COL4A2: variants seen among roughly 807,000 people sequenced by gnomAD.
COL4A2 encodes collagen type IV alpha 2 chain.
COL4A2 carries 99 observed loss-of-function variants against 200.2 expected under a neutral mutation model. That is an observed-to-expected ratio of 0.49 (90% CI 0.42 to 0.58). The LOEUF (loss-of-function observed/expected upper bound fraction) is 0.58. Ranked by LOEUF, COL4A2 falls within the 20% of genes least tolerant of loss-of-function variation. The pLI, the probability that COL4A2 is intolerant of heterozygous loss-of-function variation, is 0.00. For missense variants in COL4A2, 1,950 were observed against 2,314.1 expected, an observed-to-expected ratio of 0.84 and a Z score of 3.23; for synonymous variants, 897 against 900.6, an observed-to-expected ratio of 1.00 and a Z score of 0.07.
At chr13:110,321,960 G>A (rs1228131537) in intron 3 of COL4A2, among the ~76,000 whole-genome samples, 1 of 152,224 alleles carries the variant, frequency 6.6e-6, no homozygotes, top group African/African-American at 2.4e-5. Flanking sequence ...TGAGATTTAG[G>A]TGGGGACACA....
rs1388084413 is a variant in COL4A2, at chr13:110,467,114, C to CCTGGAG, written c.2095+19_2095+24dup. On this transcript the variant is annotated intron_variant, in intron 27 of 47. Transcript: ENST00000360467. Reference sequence around the variant, plus strand: ...CCCCACAGGTAATGCACGGAGGGAACCTGGAGTGCACCCAGCCTTCCTCCC... The same window carrying CCTGGAG: ...CCCCACAGGTAATGCACGGAGGGAACCTGGAGCTGGAGTGCACCCAGCCTTCCTCCC... 2 of 1,613,798 alleles carry CCTGGAG rather than the reference C, an allele frequency of 1.2e-6. No homozygotes were observed. Among genetic ancestry groups the CCTGGAG allele is most frequent in the African/African-American group, 1.3e-5 (1 of 74,920 alleles).
At chr13:110,371,551 G>A (rs1254107337) in intron 4 of COL4A2, among the ~76,000 whole-genome samples, 2 of 152,144 alleles carry the variant, frequency 1.3e-5, no homozygotes, top group Non-Finnish European at 2.9e-5. Context: ...AACCCAGTGT[G>A]TGTTTTTTTA....
chr13:110,388,823 T>C (rs982229298), intron 4 of COL4A2, among the ~76,000 whole-genome samples: 3 of 152,122 alleles, frequency 2.0e-5, no homozygotes, highest in Non-Finnish European at 2.9e-5. Context: ...TTCCGGGACC[T>C]CCCCCTGCCT....
At chr13:110,464,076 CAT>C (rs1180433108) in intron 24 of COL4A2, among the ~76,000 whole-genome samples, 3 of 151,994 alleles carry the variant, frequency 2.0e-5, no homozygotes, top group African/African-American at 7.2e-5. Context: ...GTGGTGTGCT[CAT>C]GTGTGTATGT....
At position 110,438,035 on chromosome 13, in the gene COL4A2, A is replaced by G. The variant is rs1330424611; in HGVS notation, c.859A>G (p.Arg287Gly). The change falls in exon 14 of 48, where the codon AGA becomes GGA. Residue 287 changes from arginine (R) to glycine (G), a missense_variant and splice_region_variant. Physicochemically the swap from Arg to Gly is moderately radical, Grantham distance 125. Around this residue, in one of 2 missense-constraint regions of COL4A2, gnomAD observed 565 missense variants for 593.5 expected, o/e 0.95. Transcript: ENST00000360467. Reference sequence around the variant, plus strand: ...AGGCAGTGAGGGGGAACCAGGAATAAGAGTAAGTCGAGTAATGAGCATGCC... The same window carrying G: ...AGGCAGTGAGGGGGAACCAGGAATAGGAGTAAGTCGAGTAATGAGCATGCC... ...EKGSEGEPGI[R>G]GISLKGEEGI... The G allele has an allele frequency of 1.9e-6, 3 of 1,613,270 alleles. No homozygotes were observed.
intron 4 of COL4A2, among the ~76,000 whole-genome samples, chr13:110,421,079 A>G (rs1166901484): frequency 6.6e-6 from 1 of 152,252 alleles, no homozygotes; most frequent in Non-Finnish European, 1.5e-5. Flanking sequence ...AGCCCAAAAA[A>G]TGGAAAATCA....
chr13:110,446,676 T>C (rs1881337283), intron 17 of COL4A2, 122 bp from the exon 18 acceptor site: 2 of 780,254 alleles, frequency 2.6e-6, no homozygotes, highest in East Asian at 5.6e-5. Flanking sequence ...GTTCCACTGG[T>C]TGAAATAGCT....
chr13:110,431,614 C>A (rs1305930368), intron 10 of COL4A2, among the ~76,000 whole-genome samples: 1 of 152,138 alleles, frequency 6.6e-6, no homozygotes, highest in African/African-American at 2.4e-5. Flanking sequence ...GGCACACATG[C>A]CACATGGTTG....
intron 4 of COL4A2, among the ~76,000 whole-genome samples, chr13:110,399,447 C>T (rs940521743): frequency 6.6e-6 from 1 of 152,152 alleles, no homozygotes; most frequent in Non-Finnish European, 1.5e-5. Flanking sequence ...CTAGCTTTAC[C>T]CATAATGGGC....
At chr13:110,350,827 C>T (rs914512066) in intron 3 of COL4A2, among the ~76,000 whole-genome samples, 10 of 152,190 alleles carry the variant, frequency 6.6e-5, no homozygotes, top group African/African-American at 2.4e-4. Context: ...GCACACTTGC[C>T]ATGGCGGGGG....
intron 3 of COL4A2, among the ~76,000 whole-genome samples, chr13:110,336,004 A>G (rs1420459508): frequency 6.6e-6 from 1 of 152,212 alleles, no homozygotes; most frequent in Non-Finnish European, 1.5e-5. Context: ...TCTCCTGTGG[A>G]TGGCCACTTC....
At chr13:110,351,674 G>T (rs763717198) in intron 3 of COL4A2, among the ~76,000 whole-genome samples, 1 of 152,186 alleles carries the variant, frequency 6.6e-6, no homozygotes, top group Non-Finnish European at 1.5e-5. Flanking sequence ...CAGTGCCTCT[G>T]CCAGCTTCTT....
chr13:110,351,992 T>C (rs1876979826), intron 3 of COL4A2, among the ~76,000 whole-genome samples: 1 of 152,060 alleles, frequency 6.6e-6, no homozygotes, highest in Admixed American at 6.6e-5. Context: ...AGTCCTGAGC[T>C]GCAAGTTGGG....
Position 110,430,783 on chromosome 13 carries a change from T to C in COL4A2, c.648+176T>C. 3.2e-6 allele frequency: 3 copies of C among 939,830 alleles called. No individual in the cohort carries two copies. The East Asian group carries it at 7.2e-5, about 23-fold the overall frequency. The allele number at this position is 939,830 out of a possible 1,614,324, so 58.2% of individuals were successfully genotyped here. A position where few individuals can be genotyped will look rare whatever the true frequency, so the allele number is the denominator to read the frequency against. On this transcript the variant is annotated intron_variant, in intron 10 of 47. Coordinates refer to ENST00000360467, the MANE Select transcript of COL4A2 (RefSeq NM_001846.4). ...CATTCCTTGCACACTTTGCTGCTGTTAAGGTTGAAGAATAAGGGCTTAAAA... is the reference window on the plus strand; with the variant it reads ...CATTCCTTGCACACTTTGCTGCTGTCAAGGTTGAAGAATAAGGGCTTAAAA...
chr13:110,382,552 A>G (rs546360586), intron 4 of COL4A2, among the ~76,000 whole-genome samples: 1 of 152,370 alleles, frequency 6.6e-6, no homozygotes, highest in East Asian at 1.9e-4. Flanking sequence ...GTAAACTTCT[A>G]TTTACAATGA....
At chr13:110,363,126 A>G (rs1877588626) in intron 4 of COL4A2, among the ~76,000 whole-genome samples, 1 of 152,212 alleles carries the variant, frequency 6.6e-6, no homozygotes, top group Non-Finnish European at 1.5e-5. Flanking sequence ...GACAACAGGG[A>G]AAAGAGAACC....
chr13:110,472,357 C>T (rs1162900462), intron 28 of COL4A2, among the ~76,000 whole-genome samples: 7 of 152,026 alleles, frequency 4.6e-5, no homozygotes, highest in East Asian at 1.9e-4. Flanking sequence ...CCTCGTGATT[C>T]ACCCGCCTCG....
At chr13:110,346,590 A>T (rs1217068791) in intron 3 of COL4A2, among the ~76,000 whole-genome samples, 1 of 149,082 alleles carries the variant, frequency 6.7e-6, no homozygotes, top group Non-Finnish European at 1.5e-5. Flanking sequence ...CCTGCATTTC[A>T]GTGCCCTGTT....
chr13:110,373,108 T>C (rs1265181298), intron 4 of COL4A2, among the ~76,000 whole-genome samples: 1 of 152,258 alleles, frequency 6.6e-6, no homozygotes, highest in Non-Finnish European at 1.5e-5. Context: ...GATTTAGTTG[T>C]AAGTTTTTTC....
Sources: allele counts gnomAD v4.1 joint callset (sites outside exome capture counted in the v4.1 genomes callset), GRCh38; gene constraint gnomAD v4.1.1; regional missense constraint gnomAD v4.1.1; transcripts MANE v1.5; gene names NCBI Gene and HGNC (gene_info 2026-07-23, HGNC 2026-07-21).